Variants in AGMO observed in about 807,000 individuals in gnomAD.
AGMO encodes alkylglycerol monooxygenase, also known as glyceryl-ether monooxygenase.
In AGMO, 75 loss-of-function variants were observed where a neutral mutation model predicts 60.2. The ratio of observed to expected loss-of-function variants is 1.25; its 90% CI spans 1.03 to 1.51. AGMO has a LOEUF of 1.51. Among genes scored for constraint, AGMO ranks in the 40% most tolerant of loss-of-function variants. The pLI is 0.00. For missense variants in AGMO, 763 were observed against 525.5 expected (o/e 1.45, Z -4.42); for synonymous variants, 261 against 177.1 (o/e 1.47, Z -3.76).
chr7:15,521,737 T>C (rs569376758), intron 3 of AGMO, among the ~76,000 whole-genome samples: 4 of 152,114 alleles, frequency 2.6e-5, no homozygotes, highest in Non-Finnish European at 2.9e-5. Context: ...CCACAGCCAA[T>C]ATCATACTGA....
chr7:15,292,971 C>T (rs1024080259), intron 12 of AGMO, among the ~76,000 whole-genome samples: 1 of 151,880 alleles, frequency 6.6e-6, no homozygotes, highest in Non-Finnish European at 1.5e-5. Context: ...CCTCGTTAGC[C>T]AAGCTGGTCT....
intron 12 of AGMO, among the ~76,000 whole-genome samples, chr7:15,241,473 A>C: frequency 1.7e-5 from 2 of 114,924 alleles, no homozygotes; most frequent in East Asian, 3.0e-4. Context: ...AAAAAAAAAA[A>C]AAAAAAAAAA....
chr7:15,345,987 T>G (rs1782018514), intron 12 of AGMO, among the ~76,000 whole-genome samples: 1 of 152,158 alleles, frequency 6.6e-6, no homozygotes, highest in South Asian at 2.1e-4. Context: ...TTAAAAACGT[T>G]AGTACAATTA....
chr7:15,381,374 G>A (rs929220413), intron 10 of AGMO, among the ~76,000 whole-genome samples: 4 of 151,140 alleles, frequency 2.6e-5, no homozygotes, highest in South Asian at 2.1e-4. Flanking sequence ...CGAAGAACAC[G>A]AACCTTTCAA....
chr7:15,399,479 C>T (rs1379688568), intron 5 of AGMO, among the ~76,000 whole-genome samples: 1 of 152,166 alleles, frequency 6.6e-6, no homozygotes, highest in East Asian at 1.9e-4. Context: ...AAACTTAAAA[C>T]ATTTTTTGGG....
At chr7:15,220,038 G>T (rs191180203) in intron 12 of AGMO, among the ~76,000 whole-genome samples, 151 of 151,904 alleles carry the variant, frequency 9.9e-4, no homozygotes, top group African/African-American at 3.4e-3. Context: ...TTGAAGGCAG[G>T]CCTCAATGAT....
intron 4 of AGMO, among the ~76,000 whole-genome samples, chr7:15,419,206 A>G (rs994707664): frequency 6.6e-6 from 1 of 151,954 alleles, no homozygotes; most frequent in Non-Finnish European, 1.5e-5. Flanking sequence ...GGAAGGAGGT[A>G]TGATATGGTT....
chr7:15,165,362 T>A, the AGMO span, among the ~76,000 whole-genome samples: 1 of 152,114 alleles, frequency 6.6e-6, no homozygotes, highest in African/African-American at 2.4e-5. Context: ...TACCTGCACA[T>A]GTACTCCCTG....
chr7:15,314,170 C>T (rs1170151117), intron 12 of AGMO, among the ~76,000 whole-genome samples: 2 of 151,916 alleles, frequency 1.3e-5, no homozygotes, highest in Non-Finnish European at 2.9e-5. Context: ...TGATTTACAT[C>T]CGGGGTGAGA....
intron 12 of AGMO, 122 bp from the exon 13 acceptor site, chr7:15,201,481 T>A: frequency 1.6e-6 from 1 of 635,532 alleles, no homozygotes; most frequent in Non-Finnish European, 2.6e-6. Flanking sequence ...GTCAAGTTAT[T>A]AAATTAAATC....
intron 3 of AGMO, among the ~76,000 whole-genome samples, chr7:15,501,830 T>A (rs1421396833): frequency 6.6e-6 from 1 of 151,602 alleles, no homozygotes; most frequent in Non-Finnish European, 1.5e-5. Context: ...GAATAAATAA[T>A]CCCAGGGAAA....
At chr7:15,435,184 G>A (rs2128499647) in intron 3 of AGMO, among the ~76,000 whole-genome samples, 1 of 152,172 alleles carries the variant, frequency 6.6e-6, no homozygotes, top group Non-Finnish European at 1.5e-5. Context: ...AGTTATCATA[G>A]AGGTTTTCTG....
At chr7:15,184,786 AAGGAAGGG>A in the AGMO span, among the ~76,000 whole-genome samples, 1 of 145,320 alleles carries the variant, frequency 6.9e-6, no homozygotes, top group Non-Finnish European at 1.5e-5. Flanking sequence ...GGAAGGATGG[AAGGAAGGG>A]AGGAAGAGAG....
At chr7:15,272,158 G>A (rs1660792049) in intron 12 of AGMO, among the ~76,000 whole-genome samples, 1 of 151,366 alleles carries the variant, frequency 6.6e-6, no homozygotes, top group South Asian at 2.1e-4. Context: ...TATACTTTAA[G>A]TTCTAGGGTA....
At chr7:15,401,819 A>T (rs1244927204) in intron 5 of AGMO, among the ~76,000 whole-genome samples, 1 of 152,166 alleles carries the variant, frequency 6.6e-6, no homozygotes, top group African/African-American at 2.4e-5. Flanking sequence ...GTGCAAGATG[A>T]TATGCTAAAT....
At chr7:15,274,853 T>A (rs1192847966) in intron 12 of AGMO, among the ~76,000 whole-genome samples, 1 of 152,004 alleles carries the variant, frequency 6.6e-6, no homozygotes, top group African/African-American at 2.4e-5. Flanking sequence ...GAGATGTTTA[T>A]AATAGTCTCT....
the AGMO span, among the ~76,000 whole-genome samples, chr7:15,192,510 C>T: frequency 2.0e-5 from 3 of 152,104 alleles, no homozygotes; most frequent in Admixed American, 6.6e-5. Flanking sequence ...CTGAGAGCCA[C>T]CTCCATCACT....
downstream of AGMO, among the ~76,000 whole-genome samples, chr7:15,199,564 C>T (rs912077536): frequency 2.0e-5 from 3 of 152,052 alleles, no homozygotes; most frequent in Non-Finnish European, 2.9e-5. Context: ...CTTTTCTTTG[C>T]CATTACTGAA....
chr7:15,437,127 A>C (rs1781424343), intron 3 of AGMO, among the ~76,000 whole-genome samples: 1 of 152,314 alleles, frequency 6.6e-6, no homozygotes, highest in East Asian at 1.9e-4. Context: ...ACCAAACTAA[A>C]GTCTAACTAA....
Sources: gnomAD v4.1 joint callset for allele counts (sites outside exome capture counted in the v4.1 genomes callset) on GRCh38, gnomAD v4.1.1 for gene constraint, MANE v1.5 for transcripts, NCBI Gene and HGNC (gene_info 2026-07-23, HGNC 2026-07-21) for gene names.